The following WDR64 variants were observed in gnomAD, a reference collection of about 807,000 sequenced individuals.
The protein encoded by WDR64 is WD repeat-containing protein 64.
Under a neutral mutation model 139.3 loss-of-function variants are expected in WDR64, and 112 were observed. The observed-to-expected ratio is 0.80, with a 90% CI of 0.69 to 0.94. The LOEUF is 0.94. WDR64 is among the 40% of genes least tolerant of loss of function. The probability of loss-of-function intolerance (pLI) is 0.00; values close to 1 mark genes in which losing one functional copy is unlikely to be tolerated. For missense variants in WDR64, 1,206 were observed against 1,293.1 expected (o/e 0.93, Z 1.03); for synonymous variants, 444 against 437.7 (o/e 1.01, Z -0.18).
In WDR64 at chr1:241,801,289, T is replaced by A; in HGVS notation, c.*74T>A. 2 of 1,314,054 alleles carry A rather than the reference T, an allele frequency of 1.5e-6. No individual in the cohort carries two copies. Among genetic ancestry groups the A allele is most frequent in the Admixed American group, 3.5e-5 (2 of 57,584 alleles). 81.4% of individuals were successfully genotyped at this position (1,314,054 alleles called of 1,614,324 possible). A position where few individuals can be genotyped will look rare whatever the true frequency, so the allele number is the denominator to read the frequency against. ...ATGATACCTGCTCTTTATTTCAGGA[T>A]GAGAGGGAGAAACCACCAGACACTA... On this transcript the variant is annotated 3_prime_UTR_variant, in exon 28 of 28. Coordinates refer to ENST00000437684, the MANE Select transcript of WDR64 (RefSeq NM_001367482.1).
chr1:241,675,379 T>A (rs966329415), intron 4 of WDR64, among the ~76,000 whole-genome samples: 1 of 150,764 alleles, frequency 6.6e-6, no homozygotes, highest in African/African-American at 2.4e-5. Flanking sequence ...GCGGAAACCA[T>A]AAATTATATT....
intron 10 of WDR64, among the ~76,000 whole-genome samples, chr1:241,726,154 A>G (rs1227606860): frequency 6.6e-6 from 1 of 152,060 alleles, no homozygotes; most frequent in East Asian, 1.9e-4. Flanking sequence ...CCTGCCTCAA[A>G]GCACTAGTAT....
intron 27 of WDR64, 29 bp downstream of exon 27, chr1:241,796,399 T>G (rs539058637): frequency 6.9e-7 from 1 of 1,441,498 alleles, no homozygotes; most frequent in East Asian, 2.3e-5. Flanking sequence ...CACCGTTAAC[T>G]CCAATTTCAG....
intron 2 of WDR64, among the ~76,000 whole-genome samples, chr1:241,669,793 G>A (rs940166895): frequency 6.6e-6 from 1 of 152,116 alleles, no homozygotes; most frequent in African/African-American, 2.4e-5. Context: ...AAAACAAAAT[G>A]GCACATTGCT....
intron 9 of WDR64, among the ~76,000 whole-genome samples, chr1:241,720,273 T>C (rs1408044468): frequency 1.3e-5 from 2 of 152,186 alleles, no homozygotes; most frequent in African/African-American, 4.8e-5. Context: ...TACGCAGCCA[T>C]GTATCTTTAT....
chr1:241,728,608 C>T (rs1668947317), intron 10 of WDR64, among the ~76,000 whole-genome samples: 1 of 152,052 alleles, frequency 6.6e-6, no homozygotes, highest in African/African-American at 2.4e-5. Flanking sequence ...TACTTTCTTC[C>T]CCAACTGCTA....
intron 11 of WDR64, among the ~76,000 whole-genome samples, chr1:241,741,251 A>G (rs1669528591): frequency 6.6e-6 from 1 of 152,258 alleles, no homozygotes; most frequent in South Asian, 2.1e-4. Flanking sequence ...TAAAAAGGAT[A>G]TCAATGAAGT....
intron 27 of WDR64, among the ~76,000 whole-genome samples, 165 bp downstream of exon 27, chr1:241,796,535 C>T (rs2148333934): frequency 6.6e-6 from 1 of 151,422 alleles, no homozygotes; most frequent in African/African-American, 2.4e-5. Flanking sequence ...TCTTGTTGCC[C>T]AGGCTGGAGT....
chr1:241,723,218 G>T, intron 9 of WDR64, 79 bp from the exon 10 acceptor site: 1 of 1,541,458 alleles, frequency 6.5e-7, no homozygotes, highest in Non-Finnish European at 8.9e-7. Flanking sequence ...GAAAGATACG[G>T]GTATGATACA....
intron 1 of WDR64, among the ~76,000 whole-genome samples, chr1:241,655,053 T>C (rs1665525671): frequency 6.6e-6 from 1 of 152,168 alleles, no homozygotes; most frequent in Non-Finnish European, 1.5e-5. Flanking sequence ...TATGTCATGG[T>C]ATCTATCTCT....
intron 8 of WDR64, among the ~76,000 whole-genome samples, chr1:241,701,390 G>T (rs1028711094): frequency 6.6e-6 from 1 of 152,080 alleles, no homozygotes; most frequent in African/African-American, 2.4e-5. Flanking sequence ...TGTAAGTTAC[G>T]TAATGGTATT....
At chr1:241,776,662 A>G (rs933871234) in intron 21 of WDR64, among the ~76,000 whole-genome samples, 6 of 152,210 alleles carry the variant, frequency 3.9e-5, no homozygotes, top group African/African-American at 1.2e-4. Context: ...GAAAACTTGT[A>G]GAGAAAGTTA....
intron 10 of WDR64, among the ~76,000 whole-genome samples, chr1:241,735,405 G>T (rs956622593): frequency 1.3e-5 from 2 of 151,680 alleles, no homozygotes; most frequent in African/African-American, 4.8e-5. Flanking sequence ...TATGGCTTAT[G>T]CTTTTTGTGC....
chr1:241,692,067 C>T (rs1667324305), intron 8 of WDR64, among the ~76,000 whole-genome samples: 2 of 151,002 alleles, frequency 1.3e-5, no homozygotes. Flanking sequence ...TCTACATTCG[C>T]ATTTGAGAAT....
chr1:241,696,113 CAAAAAAAAAAAA>C (rs541301982), intron 8 of WDR64, among the ~76,000 whole-genome samples: 4 of 22,322 alleles, frequency 1.8e-4, no homozygotes, highest in Non-Finnish European at 2.5e-4. Context: ...GACCCAGTAT[CAAAAAAAAAAAA>C]AAAAAAAAAA....
rs181456770 is a variant in WDR64, at chr1:241,691,967, T to C, written c.974+4372T>C. ...GGCAGAGGTTGCCGTAAGCCGAGAT[T>C]GTGCCATTGCATTCCAGCCTGGGCA... On this transcript the variant is annotated intron_variant, in intron 8 of 27. Transcript: ENST00000437684. Among the ~76,000 whole-genome samples, 613 of 151,594 alleles carry C rather than the reference T, an allele frequency of 4.0e-3. 5 individuals are homozygous for C. The highest frequency in any genetic ancestry group is 0.014 in the African/African-American group (584 of 41,306).
At chr1:241,683,931 G>A (rs962376117) in intron 7 of WDR64, among the ~76,000 whole-genome samples, 1 of 151,130 alleles carries the variant, frequency 6.6e-6, no homozygotes, top group African/African-American at 2.4e-5. Flanking sequence ...GAAACCATCA[G>A]TGTAATAGCT....
chr1:241,664,780 T>C (rs1300920866), intron 2 of WDR64, among the ~76,000 whole-genome samples: 1 of 152,212 alleles, frequency 6.6e-6, no homozygotes, highest in East Asian at 1.9e-4. Context: ...GGATACATTA[T>C]TGAAATGATA....
In WDR64 at chr1:241,711,852, G is replaced by A. The variant is rs746565336; in HGVS notation, c.1025G>A (p.Cys342Tyr). 6.2e-7 allele frequency: 1 copy of A among 1,614,170 alleles called. No individual in the cohort carries two copies. Among genetic ancestry groups the A allele is most frequent in the Non-Finnish European group, 8.5e-7 (1 of 1,180,028 alleles). The change falls in exon 9 of 28, where the codon TGT becomes TAT. Residue 342 changes from cysteine to tyrosine, a missense_variant. Physicochemically the swap from Cys to Tyr is radical, Grantham distance 194. Coordinates refer to ENST00000437684, the MANE Select transcript of WDR64 (RefSeq NM_001367482.1). The part of the protein sequence containing the change: ...MPRGANTFCY[C>Y]VKANVIVTGG... ...AGAGGAGCCAACACTTTTTGCTACTGTGTTAAGGCAAATGTGATTGTCACT... is the reference window on the plus strand; with the variant it reads ...AGAGGAGCCAACACTTTTTGCTACTATGTTAAGGCAAATGTGATTGTCACT...
Sources: allele counts gnomAD v4.1 joint callset (sites outside exome capture counted in the v4.1 genomes callset), GRCh38; gene constraint gnomAD v4.1.1; transcripts MANE v1.5; gene names NCBI Gene and HGNC (gene_info 2026-07-23, HGNC 2026-07-21).